The following BLK variants were observed in gnomAD, a reference collection of about 807,000 sequenced individuals.
The protein encoded by BLK is tyrosine-protein kinase Blk.
Under a neutral mutation model 61.8 loss-of-function variants are expected in BLK, and 64 were observed. The ratio of observed to expected loss-of-function variants is 1.03; its 90% CI spans 0.85 to 1.27. The LOEUF (loss-of-function observed/expected upper bound fraction) is 1.27, where lower values mean the gene tolerates loss of function less well. BLK is among the 50% of genes most tolerant of loss of function. The probability of loss-of-function intolerance (pLI) is 0.00; values close to 1 mark genes in which losing one functional copy is unlikely to be tolerated. For missense variants in BLK, 853 were observed against 660.5 expected, an observed-to-expected ratio of 1.29 and a Z score of -3.19; for synonymous variants, 351 against 272.0, an observed-to-expected ratio of 1.29 and a Z score of -2.86.
intron 1 of BLK, among the ~76,000 whole-genome samples, chr8:11,517,264 C>A (rs555722477): frequency 2.6e-5 from 4 of 152,106 alleles, no homozygotes; most frequent in Non-Finnish European, 4.4e-5. Context: ...CAACAGAAAT[C>A]GGGGTTGCAT....
chr8:11,553,174 G>C (rs1800999030), intron 6 of BLK: 1 of 186,126 alleles, frequency 5.4e-6, no homozygotes, highest in Non-Finnish European at 1.1e-5. Flanking sequence ...GTGAATGCAA[G>C]ACAGGGATGG....
At chr8:11,543,142 G>A in intron 1 of BLK, 82 bp from the exon 2 acceptor site, 1 of 1,605,856 alleles carries the variant, frequency 6.2e-7, no homozygotes, top group Non-Finnish European at 8.5e-7. Context: ...CAGCCTCCCG[G>A]AAGGGGCCAG....
In BLK at chr8:11,564,001, G is replaced by A. The variant is rs1171913284; in HGVS notation, c.1411G>A (p.Glu471Lys). 2.5e-6 allele frequency: 4 copies of A among 1,605,490 alleles called. No homozygotes were observed. Among genetic ancestry groups the A allele is most frequent in the Non-Finnish European group, 3.4e-6 (4 of 1,179,220 alleles). ...PPELYRGVIA[E>K]CWRSRPEERP... ...CGAGCTGTACCGCGGCGTCATCGCC[G>A]AGTGCTGGCGCAGCCGGCCCGAGGA... Residue 471 changes from glutamate to lysine, a missense_variant, in exon 13 of 13, where the codon GAG (glutamate) becomes AAG (lysine). Glu to Lys is a moderately conservative substitution (Grantham distance 56, BLOSUM62 1). Coordinates refer to ENST00000259089, the MANE Select transcript of BLK (RefSeq NM_001715.3).
At chr8:11,535,326 G>GAA (rs1309544881) in intron 1 of BLK, among the ~76,000 whole-genome samples, 1 of 114,988 alleles carries the variant, frequency 8.7e-6, no homozygotes, top group Non-Finnish European at 1.9e-5. Flanking sequence ...GAAAGAAAGA[G>GAA]AAGGAAAAGG....
intron 1 of BLK, among the ~76,000 whole-genome samples, chr8:11,524,022 A>T (rs1799554584): frequency 6.6e-6 from 1 of 152,222 alleles, no homozygotes; most frequent in Non-Finnish European, 1.5e-5. Context: ...AACATAGCTT[A>T]AAAATATTGG....
chr8:11,511,205 T>C (rs530691500), intron 1 of BLK, among the ~76,000 whole-genome samples: 2 of 152,308 alleles, frequency 1.3e-5, no homozygotes, highest in African/African-American at 4.8e-5. Context: ...CTCATTGAAT[T>C]CCTGAATACA....
At chr8:11,552,006 C>A (rs976734664) in intron 6 of BLK, among the ~76,000 whole-genome samples, 1 of 152,140 alleles carries the variant, frequency 6.6e-6, no homozygotes, top group African/African-American at 2.4e-5. Context: ...CCAGGTACAG[C>A]CTTGTAGCCA....
chr8:11,524,451 G>A (rs532211270), intron 1 of BLK, among the ~76,000 whole-genome samples: 1 of 152,256 alleles, frequency 6.6e-6, no homozygotes, highest in Admixed American at 6.5e-5. Flanking sequence ...CCACTTTTTT[G>A]TAAGCCAGCT....
intron 1 of BLK, among the ~76,000 whole-genome samples, chr8:11,530,109 A>T (rs1368272420): frequency 3.9e-5 from 6 of 152,250 alleles, no homozygotes; most frequent in Admixed American, 3.3e-4. Context: ...AATTATTTAC[A>T]TAAAGTGCAG....
chr8:11,556,270 C>A (rs538124581), intron 8 of BLK: 19 of 320,840 alleles, frequency 5.9e-5, no homozygotes, highest in African/African-American at 3.4e-4. Flanking sequence ...GACCCCCATG[C>A]GTCATCCTCC....
At chr8:11,512,999 A>G (rs146206102) in intron 1 of BLK, among the ~76,000 whole-genome samples, 1 of 152,356 alleles carries the variant, frequency 6.6e-6, no homozygotes, top group Non-Finnish European at 1.5e-5. Context: ...TACGGGCCAC[A>G]TAACATGATT....
At chr8:11,501,660 G>A (rs533137944) in intron 1 of BLK, among the ~76,000 whole-genome samples, 166 of 152,272 alleles carry the variant, frequency 1.1e-3, no homozygotes, top group African/African-American at 3.7e-3. Context: ...CCTAAATACC[G>A]CAGAGGTGAT....
At chr8:11,501,491 G>A (rs1798559589) in intron 1 of BLK, among the ~76,000 whole-genome samples, 1 of 152,114 alleles carries the variant, frequency 6.6e-6, no homozygotes, top group Non-Finnish European at 1.5e-5. Context: ...TAGGCATCTT[G>A]TAGATGAAGA....
intron 1 of BLK, among the ~76,000 whole-genome samples, chr8:11,535,264 GA>G (rs1315695181): frequency 1.4e-5 from 1 of 70,700 alleles, no homozygotes; most frequent in Admixed American, 1.5e-4. Context: ...AAAGAAAGAA[GA>G]AAGAAAGAAA....
At chr8:11,555,674 G>A (rs1033707757) in intron 8 of BLK, 190 bp downstream of exon 8, 17 of 889,114 alleles carry the variant, frequency 1.9e-5, no homozygotes, top group East Asian at 1.3e-4. Flanking sequence ...TAACAGCTGG[G>A]ACCGCTTATG....
At chr8:11,532,280 C>A (rs1413119178) in intron 1 of BLK, among the ~76,000 whole-genome samples, 1 of 151,770 alleles carries the variant, frequency 6.6e-6, no homozygotes, top group Non-Finnish European at 1.5e-5. Context: ...CTCAAAGCAA[C>A]CTCTGCCTCC....
At chr8:11,495,032 T>C (rs2618476) in intron 1 of BLK, among the ~76,000 whole-genome samples, 40,370 of 152,176 alleles carry the variant, frequency 0.27, 6,734 homozygotes, top group East Asian at 0.71. Context: ...TGACTGTTGC[T>C]TTCGTTTTAT....
At chr8:11,519,793 C>T (rs1799369237) in intron 1 of BLK, among the ~76,000 whole-genome samples, 1 of 152,172 alleles carries the variant, frequency 6.6e-6, no homozygotes, top group Non-Finnish European at 1.5e-5. Context: ...CCTCTCACTC[C>T]AAGCACTCCA....
intron 10 of BLK, among the ~76,000 whole-genome samples, chr8:11,559,408 GAC>G (rs1442879021): frequency 2.4e-4 from 23 of 95,486 alleles, no homozygotes; most frequent in East Asian, 1.0e-3. Context: ...CACACACACA[GAC>G]ACACAGACTC....
Sources: gnomAD v4.1 joint callset for allele counts (sites outside exome capture counted in the v4.1 genomes callset) on GRCh38, gnomAD v4.1.1 for gene constraint, MANE v1.5 for transcripts, NCBI Gene and HGNC (gene_info 2026-07-23, HGNC 2026-07-21) for gene names.